The following KDM2A variants were observed in gnomAD, a reference collection of about 807,000 sequenced individuals.
The protein encoded by KDM2A is lysine demethylase 2A.
Under a neutral mutation model 137.3 loss-of-function variants are expected in KDM2A, and 3 were observed. The observed-to-expected ratio is 0.02, with a 90% CI of 0.01 to 0.06. The LOEUF (loss-of-function observed/expected upper bound fraction) is 0.06. Ranked by LOEUF, KDM2A falls within the 10% of genes least tolerant of loss-of-function variation. The pLI, the probability that KDM2A is intolerant of heterozygous loss-of-function variation, is 1.00. For missense variants in KDM2A, 738 were observed against 1,510.6 expected (o/e 0.49, Z 8.48); for synonymous variants, 512 against 541.5 (o/e 0.95, Z 0.76).
rs369409613 is a variant in KDM2A, at chr11:67,231,799, G to C, written c.1318G>C (p.Asp440His). 3.1e-5 allele frequency: 50 copies of C among 1,614,060 alleles called. No homozygotes were observed. Among genetic ancestry groups the C allele is most frequent in the Non-Finnish European group, 4.2e-5 (50 of 1,179,910 alleles). The change falls in exon 12 of 21, where the codon GAT (aspartate) becomes CAT (histidine). Residue 440 changes from aspartate (D) to histidine (H), a missense_variant. Asp to His is a moderately conservative substitution (Grantham distance 81). This residue lies in a region of KDM2A where 113 missense variants were observed against 133.5 expected (regional missense o/e 0.85). Transcript: ENST00000529006. ...SRGSHNGQVW[D>H]PQCAPRKDRQ... ...GGGCTCCCACAATGGACAAGTGTGG[G>C]ATCCCCAGTGTGCTCCCCGAAAGGA...
At chr11:67,165,155 C>T (rs1856712103) in intron 2 of KDM2A, among the ~76,000 whole-genome samples, 1 of 150,420 alleles carries the variant, frequency 6.6e-6, no homozygotes, top group Non-Finnish European at 1.5e-5. Flanking sequence ...GACTTTCACT[C>T]TTGTTACCCA....
chr11:67,206,761 G>T (rs1230882164), intron 5 of KDM2A, among the ~76,000 whole-genome samples: 1 of 152,158 alleles, frequency 6.6e-6, no homozygotes, highest in South Asian at 2.1e-4. Flanking sequence ...ACAAACTTAG[G>T]TCTCTTTGAC....
At chr11:67,226,579 G>A (rs1241246673) in intron 10 of KDM2A, among the ~76,000 whole-genome samples, 5 of 151,498 alleles carry the variant, frequency 3.3e-5, no homozygotes, top group African/African-American at 4.9e-5. Flanking sequence ...AAAATTAGCC[G>A]GGCGTGGTGG....
Position 67,202,783 on chromosome 11 carries a change from A to G in KDM2A, c.308-4727A>G, listed in dbSNP as rs147041045. ...AGAGCGAGACTTCGTCTCAAAAAAA[A>G]AAAAGAAAAGAAATTGTCGACCCGA... On this transcript the variant is annotated intron_variant, in intron 5 of 20. Coordinates refer to ENST00000529006, the MANE Select transcript of KDM2A (RefSeq NM_012308.3). 3.8e-4 allele frequency among the ~76,000 whole-genome samples: 57 copies of G among 151,914 alleles called. No homozygotes were observed. The East Asian group carries it at 0.011, about 28-fold the overall frequency.
At chr11:67,124,765 T>C (rs1855680641) in intron 2 of KDM2A, among the ~76,000 whole-genome samples, 3 of 151,962 alleles carry the variant, frequency 2.0e-5, no homozygotes, top group African/African-American at 7.2e-5. Context: ...ACATTAACCC[T>C]TAACTAGCAT....
At chr11:67,185,845 G>C (rs1457099899) in intron 5 of KDM2A, among the ~76,000 whole-genome samples, 1 of 151,764 alleles carries the variant, frequency 6.6e-6, no homozygotes, top group Non-Finnish European at 1.5e-5. Context: ...ACCATGTGAT[G>C]ATGCAGCAAA....
In KDM2A at chr11:67,250,339, G is replaced by A. The variant is rs776031985; in HGVS notation, c.2309G>A (p.Arg770His). The A allele has an allele frequency of 5.0e-6, 8 of 1,613,916 alleles. No homozygotes were observed. The highest frequency in any genetic ancestry group is 2.2e-5 in the South Asian group (2 of 91,084). The change falls in exon 17 of 21, where the codon CGC (arginine) becomes CAC (histidine). Residue 770 changes from arginine (R) to histidine (H), a missense_variant. Physicochemically the swap from Arg to His is conservative, Grantham distance 29. This residue lies in a region of KDM2A where 244 missense variants were observed against 324.6 expected (regional missense o/e 0.75). Coordinates refer to ENST00000529006, the MANE Select transcript of KDM2A (RefSeq NM_012308.3). The surrounding 1 kb of genome is among the most constrained non-coding windows in gnomAD (Gnocchi z 7.1). ...TTGCTGCGGCTGCAGGCCACAGAGC[G>A]CACCATGGTACGGGAAAAGGAGAAC... ...RQLLRLQATE[R>H]TMVREKENNP...
intron 5 of KDM2A, among the ~76,000 whole-genome samples, chr11:67,197,755 G>T (rs1257129512): frequency 6.6e-6 from 1 of 152,158 alleles, no homozygotes; most frequent in Non-Finnish European, 1.5e-5. Flanking sequence ...TCTTGGACAA[G>T]TTACTTAAAT....
chr11:67,127,785 G>A (rs571516224), intron 2 of KDM2A, among the ~76,000 whole-genome samples: 1 of 152,038 alleles, frequency 6.6e-6, no homozygotes, highest in South Asian at 2.1e-4. Flanking sequence ...TGGGCTCACC[G>A]CAACCTCCCT....
At chr11:67,179,932 C>G in intron 2 of KDM2A, 147 bp from the exon 3 acceptor site, 1 of 715,614 alleles carries the variant, frequency 1.4e-6, no homozygotes, top group Non-Finnish European at 2.2e-6. Flanking sequence ...TATCAGCTAT[C>G]TTGAGAGAAA....
Position 67,246,186 on chromosome 11 carries a change from T to A in KDM2A, c.1965+70T>A, listed in dbSNP as rs967154370. ...TGAGTGACACAACAGAATGGGACAC[T>A]TGTGATGGGAGTGCCAGCATCCCTA... On this transcript the variant is annotated intron_variant, in intron 15 of 20. Transcript: ENST00000529006. 5 of 1,555,032 alleles carry A rather than the reference T, an allele frequency of 3.2e-6. No homozygotes were observed. In the East Asian group the frequency reaches 1.1e-4, roughly 35 times the overall value.
At chr11:67,212,530 G>A (rs77319509) in intron 6 of KDM2A, among the ~76,000 whole-genome samples, 1,955 of 152,248 alleles carry the variant, frequency 0.013, 48 homozygotes, top group African/African-American at 0.045. Flanking sequence ...AATAGACTAG[G>A]TTCATGATAT....
At chr11:67,189,083 G>A (rs1254124046) in intron 5 of KDM2A, among the ~76,000 whole-genome samples, 4 of 152,102 alleles carry the variant, frequency 2.6e-5, no homozygotes, top group Admixed American at 2.6e-4. Context: ...GACACAGACA[G>A]AATCCTACCT....
At chr11:67,184,052 C>G (rs2136339462) in intron 5 of KDM2A, among the ~76,000 whole-genome samples, 1 of 144,286 alleles carries the variant, frequency 6.9e-6, no homozygotes, top group South Asian at 2.2e-4. Flanking sequence ...GATATGTGAT[C>G]ACACCACTGC....
At position 67,249,998 on chromosome 11, in the gene KDM2A, C is replaced by G. The variant is rs529757216; in HGVS notation, c.2056-88C>G. The G allele has an allele frequency of 6.5e-5, 72 of 1,105,626 alleles. No individual in the cohort carries two copies. In the South Asian group the frequency reaches 1.1e-3, roughly 17 times the overall value. The allele number at this position is 1,105,626 out of a possible 1,614,324, so 68.5% of individuals were successfully genotyped here. ...ACGTGACCTTTCTTCTCTCTGGTCC[C>G]CTGAGAGCAAGGGAGGTCCACCCTG... On this transcript the variant is annotated intron_variant, in intron 16 of 20. Coordinates refer to ENST00000529006, the MANE Select transcript of KDM2A (RefSeq NM_012308.3).
At chr11:67,225,792 C>T (rs1363208002) in intron 10 of KDM2A, among the ~76,000 whole-genome samples, 5 of 148,512 alleles carry the variant, frequency 3.4e-5, no homozygotes, top group African/African-American at 1.2e-4. Context: ...TAGCTGGGCA[C>T]GGTGGCTCAT....
intron 2 of KDM2A, among the ~76,000 whole-genome samples, chr11:67,158,990 T>C (rs1856579634): frequency 6.6e-6 from 1 of 152,232 alleles, no homozygotes. Flanking sequence ...TTTGACAGTG[T>C]CTTTCACAGA....
chr11:67,227,449 A>G (rs559424295), intron 10 of KDM2A, among the ~76,000 whole-genome samples: 5 of 151,962 alleles, frequency 3.3e-5, no homozygotes, highest in African/African-American at 1.2e-4. Flanking sequence ...TTTTTCAAGT[A>G]TTTTGTGTCT....
intron 3 of KDM2A, 36 bp from the exon 4 acceptor site, chr11:67,181,284 A>G: frequency 7.3e-7 from 1 of 1,378,912 alleles, no homozygotes; most frequent in Non-Finnish European, 1.0e-6. Flanking sequence ...TTTTAATTAT[A>G]CCACTTATCT....
Sources: allele counts gnomAD v4.1 joint callset (sites outside exome capture counted in the v4.1 genomes callset), GRCh38; gene constraint gnomAD v4.1.1; regional missense constraint gnomAD v4.1.1; non-coding constraint Gnocchi (gnomAD v3.1); transcripts MANE v1.5; gene names NCBI Gene and HGNC (gene_info 2026-07-23, HGNC 2026-07-21).